Variants in CACNA1D observed in about 807,000 individuals in gnomAD.
CACNA1D encodes the protein calcium voltage-gated channel subunit alpha1 D.
A neutral mutation model predicts 257.1 loss-of-function variants in CACNA1D; 55 were observed. The ratio of observed to expected loss-of-function variants is 0.21; its 90% confidence interval spans 0.17 to 0.27. The LOEUF (loss-of-function observed/expected upper bound fraction) is 0.27. CACNA1D is among the 10% of genes least tolerant of loss of function. CACNA1D has a pLI of 1.00. For missense variants in CACNA1D, 1,876 were observed against 2,784.0 expected (o/e 0.67, Z 7.34); for synonymous variants, 980 against 1,014.9 (o/e 0.97, Z 0.65).
At chr3:53,607,470 A>T (rs1576066660) in intron 3 of CACNA1D, among the ~76,000 whole-genome samples, 2 of 152,354 alleles carry the variant, frequency 1.3e-5, no homozygotes, top group East Asian at 3.9e-4. Context: ...AAAGAGTGAG[A>T]ACTCAACCTG....
intron 7 of CACNA1D, among the ~76,000 whole-genome samples, chr3:53,668,635 CA>C (rs1488078721): frequency 2.0e-5 from 3 of 152,132 alleles, no homozygotes; most frequent in Non-Finnish European, 4.4e-5. Context: ...AGTTCTACAG[CA>C]AATGGTTGTG....
chr3:53,703,602 C>A (rs2094650675), intron 9 of CACNA1D, among the ~76,000 whole-genome samples: 2 of 152,244 alleles, frequency 1.3e-5, no homozygotes. Flanking sequence ...ATGTCTGTGA[C>A]TTGCTTCAAA....
At chr3:53,678,810 A>G (rs189222428) in intron 8 of CACNA1D, among the ~76,000 whole-genome samples, 90 of 152,282 alleles carry the variant, frequency 5.9e-4, no homozygotes, top group Admixed American at 1.7e-3. Context: ...TTAAATTCAT[A>G]CTAGTAATAG....
At chr3:53,743,688 C>T (rs1463656201) in intron 22 of CACNA1D, among the ~76,000 whole-genome samples, 1 of 152,228 alleles carries the variant, frequency 6.6e-6, no homozygotes, top group Non-Finnish European at 1.5e-5. Context: ...TTGCTGAGTA[C>T]TGCTTACCAT....
chr3:53,694,651 G>A (rs758412237), intron 8 of CACNA1D, among the ~76,000 whole-genome samples: 2 of 152,182 alleles, frequency 1.3e-5, no homozygotes, highest in Admixed American at 6.5e-5. Context: ...AGCCCAGGGG[G>A]CAGTGAATGT....
chr3:53,701,884 G>A (rs2094629153), intron 8 of CACNA1D, among the ~76,000 whole-genome samples: 1 of 152,210 alleles, frequency 6.6e-6, no homozygotes, highest in Non-Finnish European at 1.5e-5. Flanking sequence ...TCCAGGGCAG[G>A]TGTTCCTATA....
chr3:53,666,195 C>T, intron 6 of CACNA1D, 144 bp from the exon 7 acceptor site: 1 of 808,766 alleles, frequency 1.2e-6, no homozygotes, highest in South Asian at 1.4e-5. Flanking sequence ...TTGAAGGGAA[C>T]CTTGAAGGAC....
chr3:53,687,120 T>A (rs1165500122), intron 8 of CACNA1D, among the ~76,000 whole-genome samples: 1 of 152,034 alleles, frequency 6.6e-6, no homozygotes, highest in Non-Finnish European at 1.5e-5. Flanking sequence ...AAACACTGAT[T>A]AGTAAAATTA....
chr3:53,781,895 G>A, intron 39 of CACNA1D: 1 of 546,300 alleles, frequency 1.8e-6, no homozygotes, highest in Non-Finnish European at 3.3e-6. Flanking sequence ...AAACTCACAT[G>A]GCTGGAGCAG....
chr3:53,738,057 G>A (rs79926124), intron 20 of CACNA1D, among the ~76,000 whole-genome samples: 1,583 of 152,298 alleles, frequency 0.01, 28 homozygotes, highest in African/African-American at 0.035. Context: ...AGATATTATC[G>A]TGCAGTTTCA....
At chr3:53,763,988 T>A (rs1433513901) in intron 30 of CACNA1D, among the ~76,000 whole-genome samples, 3 of 150,038 alleles carry the variant, frequency 2.0e-5, no homozygotes, top group Non-Finnish European at 4.5e-5. Flanking sequence ...AAGTGTAGAT[T>A]TTCCCTGTAA....
chr3:53,624,138 G>C (rs11918357), intron 3 of CACNA1D, among the ~76,000 whole-genome samples: 2,584 of 152,264 alleles, frequency 0.017, 68 homozygotes, highest in African/African-American at 0.058. Context: ...CATCCTTCTA[G>C]ATAGCAATAT....
intron 14 of CACNA1D, 46 bp from the exon 15 acceptor site, chr3:53,726,833 C>A (rs780825198): frequency 6.2e-7 from 1 of 1,613,914 alleles, no homozygotes; most frequent in East Asian, 2.2e-5. Flanking sequence ...AGAGCGGCTG[C>A]AATTTGTGAA....
intron 3 of CACNA1D, among the ~76,000 whole-genome samples, chr3:53,551,641 A>G (rs2092537365): frequency 1.3e-5 from 2 of 152,250 alleles, no homozygotes; most frequent in Admixed American, 6.5e-5. Flanking sequence ...CGAGGTTTAC[A>G]AAGATAAAAT....
In CACNA1D at chr3:53,802,079, T is replaced by A. The variant is rs377022547; in HGVS notation, c.5409-68T>A. On this transcript the variant is annotated intron_variant, in intron 42 of 47. Transcript: ENST00000350061. Reference sequence around the variant, plus strand: ...TCTAGGAGGTAGCCTGATGTTTGCATTGTAAATTTGGTTGGAAATTAACTT... The same window carrying A: ...TCTAGGAGGTAGCCTGATGTTTGCAATGTAAATTTGGTTGGAAATTAACTT... 1,162 of 1,343,574 alleles carry A rather than the reference T, an allele frequency of 8.6e-4. 2 individuals carry two copies. Among genetic ancestry groups the A allele is most frequent in the Non-Finnish European group, 1.1e-3 (1,032 of 933,134 alleles). The allele number at this position is 1,343,574 out of a possible 1,614,324, so 83.2% of individuals were successfully genotyped here. A position where few individuals can be genotyped will look rare whatever the true frequency, so the allele number is the denominator to read the frequency against.
At chr3:53,498,219 C>G (rs540125476) in intron 2 of CACNA1D, among the ~76,000 whole-genome samples, 1 of 152,270 alleles carries the variant, frequency 6.6e-6, no homozygotes, top group African/African-American at 2.4e-5. Flanking sequence ...GAGGAATTTG[C>G]AGTTGCTGCC....
chr3:53,615,288 C>T (rs75970618), intron 3 of CACNA1D, among the ~76,000 whole-genome samples: 2,192 of 152,298 alleles, frequency 0.014, 13 homozygotes, highest in Non-Finnish European at 0.023. Flanking sequence ...CTCTATTAAC[C>T]TTTACTAGAA....
chr3:53,757,841 C>T (rs560931090), intron 29 of CACNA1D, among the ~76,000 whole-genome samples: 2 of 152,330 alleles, frequency 1.3e-5, no homozygotes, highest in East Asian at 1.9e-4. Context: ...TCTGAGACAG[C>T]ATCCTCACCC....
At chr3:53,788,165 C>T (rs1198753912) in intron 40 of CACNA1D, among the ~76,000 whole-genome samples, 2 of 151,974 alleles carry the variant, frequency 1.3e-5, no homozygotes, top group African/African-American at 2.4e-5. Context: ...CAAACATGAG[C>T]TGTGTGTGTG....
Sources: gnomAD v4.1 joint callset for allele counts (sites outside exome capture counted in the v4.1 genomes callset) on GRCh38, gnomAD v4.1.1 for gene constraint, MANE v1.5 for transcripts, NCBI Gene and HGNC (gene_info 2026-07-23, HGNC 2026-07-21) for gene names.